Variants in KCNIP4 observed in about 807,000 individuals in gnomAD.
KCNIP4 encodes the protein potassium voltage-gated channel interacting protein 4.
In KCNIP4, 12 loss-of-function variants were observed where a neutral mutation model predicts 34.0. The observed-to-expected ratio is 0.35, with a 90% confidence interval of 0.23 to 0.57. The LOEUF is 0.57. Ranked by LOEUF, KCNIP4 falls within the 20% of genes least tolerant of loss-of-function variation. The pLI is 0.83. For missense variants in KCNIP4, 238 were observed against 311.7 expected, an observed-to-expected ratio of 0.76 and a Z score of 1.78; for synonymous variants, 124 against 102.2, an observed-to-expected ratio of 1.21 and a Z score of -1.29.
At chr4:20,778,570 G>A (rs1756578487) in intron 3 of KCNIP4, among the ~76,000 whole-genome samples, 1 of 152,162 alleles carries the variant, frequency 6.6e-6, no homozygotes, top group African/African-American at 2.4e-5. Flanking sequence ...TTTACAAGAT[G>A]ATACTACTGG....
intron 1 of KCNIP4, among the ~76,000 whole-genome samples, chr4:21,540,081 A>G (rs1737554437): frequency 6.6e-6 from 1 of 152,072 alleles, no homozygotes; most frequent in African/African-American, 2.4e-5. Flanking sequence ...GCTTGTATGT[A>G]GTCACGCATT....
At chr4:21,213,185 A>G (rs1330821494) in intron 1 of KCNIP4, among the ~76,000 whole-genome samples, 1 of 152,154 alleles carries the variant, frequency 6.6e-6, no homozygotes, top group Admixed American at 6.5e-5. Flanking sequence ...CATGAGGCAA[A>G]GTTGGGGGCA....
At chr4:20,806,614 G>A (rs1170973269) in intron 3 of KCNIP4, among the ~76,000 whole-genome samples, 1 of 151,470 alleles carries the variant, frequency 6.6e-6, no homozygotes, top group Non-Finnish European at 1.5e-5. Context: ...CTAGCTATTT[G>A]TAAGCAGTTT....
At chr4:21,290,172 G>A (rs1161240725) in intron 1 of KCNIP4, among the ~76,000 whole-genome samples, 3 of 151,966 alleles carry the variant, frequency 2.0e-5, no homozygotes, top group African/African-American at 4.8e-5. Context: ...TGACTTCAAG[G>A]TATAAAAATC....
intron 1 of KCNIP4, among the ~76,000 whole-genome samples, chr4:21,473,710 G>T (rs1435932440): frequency 2.0e-5 from 3 of 147,070 alleles, no homozygotes; most frequent in East Asian, 2.0e-4. Context: ...AGAAGACTGA[G>T]AATTCTTTTT....
In KCNIP4 at chr4:21,643,595, A is replaced by G. The variant is rs77397505; in HGVS notation, c.61+304976T>C. ...AAGCTATTTTTTAGATGAGATTAAC[A>G]TTTAAATCAATGGATTTTGAGGAAA... is the stretch of plus-strand genomic sequence containing the variant. On this transcript the variant is annotated intron_variant, in intron 1 of 8. Coordinates refer to ENST00000382152, the MANE Select transcript of KCNIP4 (RefSeq NM_025221.6). 7.6e-3 allele frequency among the ~76,000 whole-genome samples: 1,160 copies of G among 152,298 alleles called. 86 individuals are homozygous for G. In the East Asian group the frequency reaches 0.18, roughly 23 times the overall value.
At chr4:21,235,873 G>T (rs1222955245) in intron 1 of KCNIP4, among the ~76,000 whole-genome samples, 1 of 152,148 alleles carries the variant, frequency 6.6e-6, no homozygotes, top group Non-Finnish European at 1.5e-5. Context: ...ACTGCTTCTA[G>T]GAGAAGGCAT....
intron 1 of KCNIP4, among the ~76,000 whole-genome samples, chr4:21,629,722 A>G (rs946561439): frequency 5.3e-5 from 8 of 152,158 alleles, no homozygotes; most frequent in Non-Finnish European, 7.4e-5. Context: ...CTTTTTGACT[A>G]GAAACATCAA....
rs757200407 is a variant in KCNIP4, at chr4:21,192,952, C to CTACTACTAATAA, written c.62-310244_62-310243insTTATTAGTAGTA. 5.6e-4 allele frequency among the ~76,000 whole-genome samples: 81 copies of CTACTACTAATAA among 145,110 alleles called. No individual in the cohort carries two copies. In the Middle Eastern group the frequency reaches 0.011, roughly 19 times the overall value. ...ACTACTACTACTACTACTACTACTACTAATAATAATAATAATTAGTTGGGT... is the reference window on the plus strand; with the variant it reads ...ACTACTACTACTACTACTACTACTACTACTACTAATAATAATAATAATAATAATTAGTTGGGT... On this transcript the variant is annotated intron_variant, in intron 1 of 8. Transcript: ENST00000382152.
chr4:21,455,358 T>C (rs558388260), intron 1 of KCNIP4, among the ~76,000 whole-genome samples: 44 of 152,008 alleles, frequency 2.9e-4, no homozygotes, highest in Non-Finnish European at 5.6e-4. Context: ...CCAATTACTT[T>C]ATAAACTCAC....
intron 1 of KCNIP4, among the ~76,000 whole-genome samples, chr4:21,492,303 T>A (rs1437550505): frequency 6.6e-6 from 1 of 152,150 alleles, no homozygotes; most frequent in Admixed American, 6.5e-5. Flanking sequence ...ACTACAGTCT[T>A]GAACTCCGGG....
chr4:21,394,862 G>A (rs949681051), intron 1 of KCNIP4, among the ~76,000 whole-genome samples: 1 of 152,046 alleles, frequency 6.6e-6, no homozygotes, highest in Non-Finnish European at 1.5e-5. Flanking sequence ...CTCCTTTAAT[G>A]ATGTTGAATA....
chr4:21,281,514 G>A (rs566167155), intron 1 of KCNIP4, among the ~76,000 whole-genome samples: 11 of 152,292 alleles, frequency 7.2e-5, no homozygotes, highest in South Asian at 4.1e-4. Context: ...GACTCACTGT[G>A]AAGATGGTAG....
At chr4:20,973,897 G>A (rs1315239922) in intron 1 of KCNIP4, among the ~76,000 whole-genome samples, 2 of 152,192 alleles carry the variant, frequency 1.3e-5, no homozygotes, top group Non-Finnish European at 2.9e-5. Context: ...CTCCTAATCT[G>A]AACTCGATTA....
At chr4:21,806,881 T>G (rs1432356161) in intron 1 of KCNIP4, among the ~76,000 whole-genome samples, 1 of 152,116 alleles carries the variant, frequency 6.6e-6, no homozygotes, top group Non-Finnish European at 1.5e-5. Flanking sequence ...TTGGATGGGA[T>G]AGTTGTGGGA....
intron 1 of KCNIP4, among the ~76,000 whole-genome samples, chr4:21,083,516 G>A (rs1263751267): frequency 6.6e-6 from 1 of 151,658 alleles, no homozygotes; most frequent in Non-Finnish European, 1.5e-5. Flanking sequence ...GGAGATCTCT[G>A]TCTCCCTCTG....
At chr4:20,809,260 T>C (rs1402708986) in intron 3 of KCNIP4, among the ~76,000 whole-genome samples, 1 of 152,172 alleles carries the variant, frequency 6.6e-6, no homozygotes, top group Non-Finnish European at 1.5e-5. Flanking sequence ...AAAGAAGAAA[T>C]GCAAGAACTG....
intron 1 of KCNIP4, among the ~76,000 whole-genome samples, chr4:21,365,727 T>C (rs1244770113): frequency 6.6e-6 from 1 of 152,100 alleles, no homozygotes; most frequent in East Asian, 1.9e-4. Context: ...AAAATTTATC[T>C]ACAACACCTT....
intron 1 of KCNIP4, among the ~76,000 whole-genome samples, chr4:21,527,632 A>G (rs1200092595): frequency 3.3e-5 from 5 of 152,222 alleles, no homozygotes; most frequent in Non-Finnish European, 7.3e-5. Flanking sequence ...AAATTGTTAA[A>G]TGACTCTTAC....
Sources: allele counts gnomAD v4.1 joint callset (sites outside exome capture counted in the v4.1 genomes callset), GRCh38; gene constraint gnomAD v4.1.1; transcripts MANE v1.5; gene names NCBI Gene and HGNC (gene_info 2026-07-23, HGNC 2026-07-21).